Variants in RARB observed in about 807,000 individuals in gnomAD.
The protein encoded by RARB is retinoic acid receptor beta.
Under a neutral mutation model 51.9 loss-of-function variants are expected in RARB, and 17 were observed. The observed-to-expected ratio is 0.33, with a 90% CI of 0.22 to 0.49. RARB has a LOEUF of 0.49. Among genes scored for constraint, RARB ranks in the 20% least tolerant of loss-of-function variants. The pLI is 0.99. For missense variants in RARB, 369 were observed against 550.8 expected, an observed-to-expected ratio of 0.67 and a Z score of 3.30; for synonymous variants, 215 against 195.4, an observed-to-expected ratio of 1.10 and a Z score of -0.84.
intron 5 of RARB, among the ~76,000 whole-genome samples, chr3:25,208,170 G>A (rs574822374): frequency 6.6e-6 from 1 of 152,204 alleles, no homozygotes; most frequent in South Asian, 2.1e-4. Flanking sequence ...CTTTCGCTAG[G>A]CCTTACCGCC....
intron 5 of RARB, among the ~76,000 whole-genome samples, chr3:25,216,233 G>A (rs1418379958): frequency 3.3e-5 from 5 of 151,926 alleles, no homozygotes; most frequent in Non-Finnish European, 7.4e-5. Context: ...CCCCACAAGA[G>A]GAATCACTGA....
intron 1 of RARB, among the ~76,000 whole-genome samples, chr3:24,851,938 A>G (rs1702564881): frequency 6.6e-6 from 1 of 152,222 alleles, no homozygotes. Flanking sequence ...TAGTAGAAAT[A>G]TCTTGGCCAT....
chr3:25,169,407 G>T (rs1173351789), intron 4 of RARB, among the ~76,000 whole-genome samples: 1 of 152,130 alleles, frequency 6.6e-6, no homozygotes, highest in Non-Finnish European at 1.5e-5. Context: ...AAAATTGCTG[G>T]AGACTTAGCA....
intron 5 of RARB, among the ~76,000 whole-genome samples, chr3:25,365,169 G>A (rs576790186): frequency 6.9e-6 from 1 of 145,612 alleles, no homozygotes; most frequent in African/African-American, 2.5e-5. Flanking sequence ...CATGCAAAAG[G>A]TATATAAGCC....
intron 1 of RARB, among the ~76,000 whole-genome samples, chr3:25,441,001 A>G (rs1249339170): frequency 2.0e-5 from 3 of 149,996 alleles, no homozygotes; most frequent in Non-Finnish European, 4.4e-5. Flanking sequence ...TCCACTTGCA[A>G]TCATATACCT....
chr3:24,926,528 G>A (rs73823046), intron 2 of RARB, among the ~76,000 whole-genome samples: 1,546 of 152,130 alleles, frequency 0.01, 30 homozygotes, highest in African/African-American at 0.032. Context: ...ACCTAGTCAG[G>A]TCACCAGGAC....
At chr3:25,382,745 C>A (rs1294128352) in intron 5 of RARB, among the ~76,000 whole-genome samples, 3 of 152,128 alleles carry the variant, frequency 2.0e-5, no homozygotes, top group Non-Finnish European at 4.4e-5. Context: ...GTAATCCCAG[C>A]TACTCGGGAG....
chr3:25,272,991 A>C (rs1703289435), intron 5 of RARB, among the ~76,000 whole-genome samples: 1 of 152,198 alleles, frequency 6.6e-6, no homozygotes, highest in African/African-American at 2.4e-5. Flanking sequence ...TGTGGAGGGA[A>C]ATCTTTTTTT....
intron 2 of RARB, among the ~76,000 whole-genome samples, chr3:24,999,633 A>G (rs1201697328): frequency 6.6e-6 from 1 of 152,140 alleles, no homozygotes; most frequent in Non-Finnish European, 1.5e-5. Context: ...CAACAAGAAA[A>G]TGGCACAATG....
chr3:25,351,051 C>T (rs186112680), intron 5 of RARB, among the ~76,000 whole-genome samples: 11 of 152,258 alleles, frequency 7.2e-5, no homozygotes, highest in African/African-American at 1.9e-4. Context: ...CTTTATCTAA[C>T]GTCTTAGTTT....
At chr3:25,205,136 C>T (rs1701505141) in intron 5 of RARB, among the ~76,000 whole-genome samples, 3 of 152,148 alleles carry the variant, frequency 2.0e-5, no homozygotes, top group South Asian at 4.1e-4. Flanking sequence ...GGGTGCCCCT[C>T]CCCCAGCCTC....
At chr3:24,829,612 C>T (rs956874690) in intron 1 of RARB, among the ~76,000 whole-genome samples, 1 of 152,220 alleles carries the variant, frequency 6.6e-6, no homozygotes. Flanking sequence ...CGCGACCGAT[C>T]CCAGGACATC....
intron 1 of RARB, among the ~76,000 whole-genome samples, chr3:24,851,198 G>A (rs940939164): frequency 2.6e-5 from 4 of 152,044 alleles, no homozygotes; most frequent in African/African-American, 9.7e-5. Context: ...ACTTTGAGAG[G>A]GGGAGAATTG....
chr3:25,382,052 C>A (rs1310880848), intron 5 of RARB, among the ~76,000 whole-genome samples: 1 of 152,134 alleles, frequency 6.6e-6, no homozygotes, highest in African/African-American at 2.4e-5. Flanking sequence ...AATATTCTAA[C>A]TGAGGAACAT....
chr3:25,451,544 C>A (rs1254116376), intron 1 of RARB, among the ~76,000 whole-genome samples: 1 of 152,172 alleles, frequency 6.6e-6, no homozygotes, highest in African/African-American at 2.4e-5. Context: ...AGAAAAATTT[C>A]TTTGCAGCAA....
chr3:24,853,145 T>C (rs957605357), intron 1 of RARB, among the ~76,000 whole-genome samples: 3 of 149,342 alleles, frequency 2.0e-5, no homozygotes, highest in Admixed American at 6.6e-5. Flanking sequence ...AAACCCTGTC[T>C]TTACTAAAAA....
intron 5 of RARB, among the ~76,000 whole-genome samples, chr3:25,339,415 C>G (rs1705156818): frequency 6.6e-6 from 1 of 152,186 alleles, no homozygotes; most frequent in Admixed American, 6.5e-5. Flanking sequence ...TCAACGCTTT[C>G]TGTACCTCAC....
chr3:25,201,348 T>C (rs1258465937), intron 5 of RARB, among the ~76,000 whole-genome samples: 1 of 152,198 alleles, frequency 6.6e-6, no homozygotes, highest in Admixed American at 6.5e-5. Flanking sequence ...GATGGGGTTT[T>C]CTAGATATAC....
At chr3:25,430,442 A>C (rs1708155654) in intron 1 of RARB, among the ~76,000 whole-genome samples, 1 of 152,226 alleles carries the variant, frequency 6.6e-6, no homozygotes. Context: ...AGTGGTAATG[A>C]AACATGTTTT....
Sources: gnomAD v4.1 joint callset for allele counts (sites outside exome capture counted in the v4.1 genomes callset) on GRCh38, gnomAD v4.1.1 for gene constraint, MANE v1.5 for transcripts, NCBI Gene and HGNC (gene_info 2026-07-23, HGNC 2026-07-21) for gene names.